Variants in KPNA5 observed in about 807,000 individuals in gnomAD.
KPNA5 encodes the protein karyopherin subunit alpha 5, also known as importin subunit alpha-6.
In KPNA5, 46 loss-of-function variants were observed where a neutral mutation model predicts 71.3. That is an observed-to-expected ratio of 0.65 (90% CI 0.51 to 0.83). The LOEUF (loss-of-function observed/expected upper bound fraction) is 0.83, where lower values mean the gene tolerates loss of function less well. KPNA5 is among the 40% of genes least tolerant of loss of function. The pLI is 0.00. For synonymous variants in KPNA5, 207 were observed against 201.4 expected (o/e 1.03, Z -0.24); for missense variants, 547 against 628.3 (o/e 0.87, Z 1.38).
chr6:116,729,583 G>A lies in KPNA5; in HGVS notation c.1274G>A (p.Cys425Tyr), dbSNP rs865866463. The A allele has an allele frequency of 6.3e-7, 1 of 1,583,372 alleles. No individual in the cohort carries two copies. Among genetic ancestry groups the A allele is most frequent in the African/African-American group, 1.4e-5 (1 of 73,642 alleles). The change falls in exon 13 of 14, where the codon TGC (cysteine) becomes TAC (tyrosine). Residue 425 changes from cysteine to tyrosine, a missense_variant. Physicochemically the swap from Cys to Tyr is radical, Grantham distance 194 (BLOSUM62 -2). Coordinates refer to ENST00000368564, the MANE Select transcript of KPNA5 (RefSeq NM_001366306.2). ...EQIRYLVALG[C>Y]IKPLCDLLTV... is the part of the protein sequence containing the mutation. ...TGAAGGTATTTGGTAGCTTTAGGCT[G>A]CATTAAACCACTTTGTGATCTTTTG...
intron 1 of KPNA5, 157 bp downstream of exon 1, chr6:116,681,495 C>A: frequency 1.5e-6 from 2 of 1,368,594 alleles, no homozygotes; most frequent in Non-Finnish European, 1.9e-6. Flanking sequence ...TTCCCCAGGG[C>A]GACAGCGGTC....
At chr6:116,682,993 T>C (rs1354841983) in intron 1 of KPNA5, among the ~76,000 whole-genome samples, 1 of 152,258 alleles carries the variant, frequency 6.6e-6, no homozygotes, top group Non-Finnish European at 1.5e-5. Flanking sequence ...GAACAAGTGA[T>C]ATCTGAGTTG....
In KPNA5 at chr6:116,726,464, T is replaced by C. The variant is rs1235373883; in HGVS notation, c.1126-31T>C. 5 of 1,580,344 alleles carry C rather than the reference T, an allele frequency of 3.2e-6. No homozygotes were observed. The African/African-American group carries it at 6.8e-5, about 21-fold the overall frequency. On this transcript the variant is annotated intron_variant, in intron 11 of 13. Coordinates refer to ENST00000368564, the MANE Select transcript of KPNA5 (RefSeq NM_001366306.2). ...CTGGTAATATTTTAGAAACAGTATT[T>C]GTACTGATTATATATTTTTCCCCCT...
chr6:116,713,040 A>G (rs1778762050), intron 7 of KPNA5, among the ~76,000 whole-genome samples: 1 of 152,070 alleles, frequency 6.6e-6, no homozygotes, highest in Non-Finnish European at 1.5e-5. Context: ...CCATTACCCT[A>G]GATTTATAAT....
At chr6:116,705,799 T>C (rs959600788) in intron 7 of KPNA5, among the ~76,000 whole-genome samples, 4 of 152,196 alleles carry the variant, frequency 2.6e-5, no homozygotes, top group Non-Finnish European at 4.4e-5. Context: ...TAGAAGTAAA[T>C]ATTTTACTCT....
At chr6:116,701,103 T>C (rs924481677) in intron 5 of KPNA5, among the ~76,000 whole-genome samples, 1 of 152,188 alleles carries the variant, frequency 6.6e-6, no homozygotes, top group African/African-American at 2.4e-5. Flanking sequence ...AAATTCCCTT[T>C]AAAATTTTTC....
intron 2 of KPNA5, among the ~76,000 whole-genome samples, chr6:116,690,163 C>T (rs975219714): frequency 5.3e-5 from 8 of 152,198 alleles, no homozygotes; most frequent in South Asian, 4.2e-4. Flanking sequence ...TTGAACTCCT[C>T]GCCTCAAGCA....
At chr6:116,721,471 A>C (rs1022291495) in intron 8 of KPNA5, among the ~76,000 whole-genome samples, 4 of 152,044 alleles carry the variant, frequency 2.6e-5, no homozygotes. Flanking sequence ...TTCTTAACTG[A>C]GGAGAAAGAC....
chr6:116,685,798 C>T (rs1777560361), intron 1 of KPNA5, among the ~76,000 whole-genome samples: 1 of 152,166 alleles, frequency 6.6e-6, no homozygotes, highest in Non-Finnish European at 1.5e-5. Context: ...TCTGGATATA[C>T]ACCCAGTAAT....
chr6:116,706,253 GTAGTGGTT>G (rs1313431572), intron 7 of KPNA5, among the ~76,000 whole-genome samples: 16 of 152,280 alleles, frequency 1.1e-4, no homozygotes, highest in African/African-American at 3.4e-4. Flanking sequence ...TCTCAAGTAG[GTAGTGGTT>G]TATGAAGTAG....
intron 10 of KPNA5, 23 bp downstream of exon 10, chr6:116,724,398 T>C (rs747651472): frequency 2.5e-5 from 38 of 1,539,648 alleles, no homozygotes; most frequent in Non-Finnish European, 9.0e-7. Flanking sequence ...TTGAGTATCA[T>C]AAATTGTTAA....
In KPNA5 at chr6:116,692,328, T is replaced by C. The variant is rs1339321067; in HGVS notation, c.276T>C (p.Ile92=). 6.2e-7 allele frequency: 1 copy of C among 1,604,922 alleles called. No individual in the cohort carries two copies. Among genetic ancestry groups the C allele is most frequent in the Admixed American group, 1.7e-5 (1 of 58,148 alleles). The change falls in exon 4 of 14, where the codon ATT becomes ATC. Residue 92 remains isoleucine (I), a synonymous_variant. Transcript: ENST00000368564. The part of the protein sequence containing the change: ...EVVTTDMVQM[I]FSNNADQQLT... ...TTACTACAGATATGGTTCAGATGAT[T>C]TTTTCTAATAATGCTGATCAACAGC...
intron 7 of KPNA5, among the ~76,000 whole-genome samples, chr6:116,705,842 C>T (rs928009888): frequency 9.9e-5 from 15 of 152,136 alleles, no homozygotes; most frequent in African/African-American, 3.4e-4. Context: ...TTTCCATGCT[C>T]TCCAGCTGAG....
intron 8 of KPNA5, among the ~76,000 whole-genome samples, chr6:116,718,564 T>A (rs1562449657): frequency 6.7e-6 from 1 of 148,838 alleles, no homozygotes; most frequent in East Asian, 2.1e-4. Flanking sequence ...TGCCTGGCCC[T>A]TATTTATGTA....
At chr6:116,713,260 G>T (rs1047128796) in intron 7 of KPNA5, among the ~76,000 whole-genome samples, 2 of 152,066 alleles carry the variant, frequency 1.3e-5, no homozygotes, top group African/African-American at 4.8e-5. Flanking sequence ...AAGCCAATCT[G>T]CTAGTGATGC....
At chr6:116,681,375 C>A (rs1279857227) in intron 1 of KPNA5, 37 bp downstream of exon 1, 3 of 1,560,736 alleles carry the variant, frequency 1.9e-6, no homozygotes, top group Non-Finnish European at 2.6e-6. Flanking sequence ...TTGGGGGAGC[C>A]TCGGTTTTGG....
rs2114513169 is a variant in KPNA5 at position 116,732,569 on chromosome 6, G to A, written c.*246G>A. The A allele has an allele frequency of 5.0e-6, 1 of 199,222 alleles. No homozygotes were observed. Among genetic ancestry groups the A allele is most frequent in the African/African-American group, 2.3e-5 (1 of 43,324 alleles). The allele number at this position is 199,222 out of a possible 1,614,324, so 12.3% of individuals were successfully genotyped here. Reference sequence around the variant, plus strand: ...ATTGTTTGGATTTTTGTATCTATTTGTGAATAATTGAATATGCAATTATTT... The same window carrying A: ...ATTGTTTGGATTTTTGTATCTATTTATGAATAATTGAATATGCAATTATTT... On this transcript the variant is annotated 3_prime_UTR_variant, in exon 14 of 14. Transcript: ENST00000368564.
rs924070733 is a variant in KPNA5 at position 116,741,091 on chromosome 6, T to C, written c.*8768T>C. 7 of 152,204 alleles carry C rather than the reference T, an allele frequency of 4.6e-5. No individual in the cohort carries two copies. The highest frequency in any genetic ancestry group is 1.7e-4 in the African/African-American group (7 of 41,472). 9.4% of individuals were successfully genotyped at this position (152,204 alleles called of 1,614,324 possible). A position where few individuals can be genotyped will look rare whatever the true frequency, so the allele number is the denominator to read the frequency against. On this transcript the variant is annotated 3_prime_UTR_variant, in exon 14 of 14. Coordinates refer to ENST00000368564, the MANE Select transcript of KPNA5 (RefSeq NM_001366306.2). Reference sequence around the variant, plus strand: ...ATTACATGAGTTTGAAATTCGTTGATACTTGCTTTATGATCTGATATGTGT... The same window carrying C: ...ATTACATGAGTTTGAAATTCGTTGACACTTGCTTTATGATCTGATATGTGT...
chr6:116,683,978 T>A (rs1040773716), intron 1 of KPNA5, among the ~76,000 whole-genome samples: 6 of 134,942 alleles, frequency 4.4e-5, no homozygotes, highest in African/African-American at 1.7e-4. Flanking sequence ...GCTGGAGCGA[T>A]CTTGGCTCAC....
Sources: gnomAD v4.1 joint callset for allele counts (sites outside exome capture counted in the v4.1 genomes callset) on GRCh38, gnomAD v4.1.1 for gene constraint, MANE v1.5 for transcripts, NCBI Gene and HGNC (gene_info 2026-07-23, HGNC 2026-07-21) for gene names.